TENT4B: variants seen among roughly 807,000 people sequenced by gnomAD.
TENT4B encodes the protein PAP associated domain containing 5.
In TENT4B, 10 loss-of-function variants were observed where a neutral mutation model predicts 75.0. The observed-to-expected ratio is 0.13, with a 90% CI of 0.08 to 0.23. The LOEUF (loss-of-function observed/expected upper bound fraction) is 0.23. Among genes scored for constraint, TENT4B ranks in the 10% least tolerant of loss-of-function variants. The probability of loss-of-function intolerance (pLI) is 1.00; values close to 1 mark genes in which losing one functional copy is unlikely to be tolerated. For missense variants in TENT4B, 579 were observed against 893.8 expected (o/e 0.65, Z 4.49); for synonymous variants, 350 against 357.7 (o/e 0.98, Z 0.24).
In TENT4B at chr16:50,232,117, G is replaced by A; in HGVS notation, c.*2789G>A. ...GACTGTTTTTTAGAGGAGCTGATGG[G>A]TTGGTGAGGTGTCAGCACAAAATCT... On this transcript the variant is annotated 3_prime_UTR_variant, in exon 12 of 12. Coordinates refer to ENST00000561678, the MANE Select transcript of TENT4B (RefSeq NM_001365324.3). 1 of 985,398 alleles carries A rather than the reference G, an allele frequency of 1.0e-6. No individual in the cohort carries two copies. 61.0% of individuals were successfully genotyped at this position (985,398 alleles called of 1,614,324 possible).
At position 50,224,760 on chromosome 16, in the gene TENT4B, C is replaced by T; in HGVS notation, c.1485C>T (p.Tyr495=). ...ATGCTGTATCACCAATAGCAAAGTA[C>T]TATCCCAACAATGAAACAGAAAGGT... ...LSHAVSPIAK[Y]YPNNETESIL... The change falls in exon 8 of 12, where the codon TAC becomes TAT. Residue 495 remains tyrosine (Y), a synonymous_variant. Coordinates refer to ENST00000561678, the MANE Select transcript of TENT4B (RefSeq NM_001365324.3). 1 of 1,613,992 alleles carries T rather than the reference C, an allele frequency of 6.2e-7. No individual in the cohort carries two copies. Among genetic ancestry groups the T allele is most frequent in the Non-Finnish European group, 8.5e-7 (1 of 1,179,884 alleles).
intron 1 of TENT4B, among the ~76,000 whole-genome samples, chr16:50,155,272 G>GGTGTGTGGGT (rs1555506874): frequency 7.4e-6 from 1 of 135,372 alleles, no homozygotes; most frequent in African/African-American, 2.8e-5. Flanking sequence ...GGGTCTCGTG[G>GGTGTGTGGGT]GTGTGTGTGT....
At chr16:50,220,524 C>T (rs1241684285) in intron 5 of TENT4B, among the ~76,000 whole-genome samples, 2 of 151,618 alleles carry the variant, frequency 1.3e-5, no homozygotes, top group Admixed American at 6.6e-5. Context: ...CTGACTTAAC[C>T]ACCATGTTTT....
At chr16:50,188,794 AGTGAGCT>A (rs1174048816) in intron 1 of TENT4B, among the ~76,000 whole-genome samples, 1 of 152,166 alleles carries the variant, frequency 6.6e-6, no homozygotes, top group Non-Finnish European at 1.5e-5. Flanking sequence ...TGAGGGCTGT[AGTGAGCT>A]GTGATTGTGC....
In TENT4B at chr16:50,215,967, G is replaced by T. The variant is rs892438437; in HGVS notation, c.810-108G>T. 7.4e-6 allele frequency: 10 copies of T among 1,355,546 alleles called. No individual in the cohort carries two copies. The African/African-American group carries it at 1.0e-4, about 14-fold the overall frequency. The allele number at this position is 1,355,546 out of a possible 1,614,324, so 84.0% of individuals were successfully genotyped here. Reference sequence around the variant, plus strand: ...AACACATTTAGTCTTCGTTGGCCAGGGTGGGAAATAGGTTTTAATTGTACT... The same window carrying T: ...AACACATTTAGTCTTCGTTGGCCAGTGTGGGAAATAGGTTTTAATTGTACT... On this transcript the variant is annotated intron_variant, in intron 3 of 11. Transcript: ENST00000561678.
At chr16:50,185,637 G>A (rs2038511413) in intron 1 of TENT4B, among the ~76,000 whole-genome samples, 1 of 152,178 alleles carries the variant, frequency 6.6e-6, no homozygotes, top group Non-Finnish European at 1.5e-5. Flanking sequence ...CTTAACACGT[G>A]AAGAGGATGC....
intron 1 of TENT4B, among the ~76,000 whole-genome samples, chr16:50,158,899 GATTT>G (rs1567473429): frequency 2.6e-5 from 4 of 152,126 alleles, no homozygotes; most frequent in African/African-American, 7.2e-5. Context: ...TCCTTAAGTG[GATTT>G]AATAATCACA....
intron 1 of TENT4B, among the ~76,000 whole-genome samples, chr16:50,174,131 TC>T (rs1323146256): frequency 6.6e-6 from 1 of 152,204 alleles, no homozygotes; most frequent in Non-Finnish European, 1.5e-5. Context: ...AGAGTCTTGC[TC>T]TGTCGCCCAG....
chr16:50,223,779 T>C (rs1390917223), intron 7 of TENT4B, among the ~76,000 whole-genome samples: 3 of 152,188 alleles, frequency 2.0e-5, no homozygotes, highest in Non-Finnish European at 2.9e-5. Context: ...CATAGTAATA[T>C]ATCTTTGAAT....
At chr16:50,164,399 A>T (rs530346985) in intron 1 of TENT4B, among the ~76,000 whole-genome samples, 2 of 151,798 alleles carry the variant, frequency 1.3e-5, no homozygotes, top group African/African-American at 4.8e-5. Flanking sequence ...AAGCCCCGCC[A>T]CCCAAGTTCA....
intron 2 of TENT4B, among the ~76,000 whole-genome samples, 155 bp downstream of exon 2, chr16:50,211,601 A>G (rs140817660): frequency 6.6e-6 from 1 of 152,208 alleles, no homozygotes. Context: ...AATTTTCTGC[A>G]GTCTTTAGAA....
chr16:50,173,364 A>G (rs1349254354), intron 1 of TENT4B, among the ~76,000 whole-genome samples: 1 of 152,202 alleles, frequency 6.6e-6, no homozygotes, highest in Non-Finnish European at 1.5e-5. Flanking sequence ...TGAAGTTACT[A>G]TAAACATCTG....
chr16:50,200,315 G>A (rs1002902358), intron 1 of TENT4B, among the ~76,000 whole-genome samples: 4 of 151,160 alleles, frequency 2.6e-5, no homozygotes, highest in African/African-American at 9.8e-5. Context: ...GCAGTAAACT[G>A]TGATCATACC....
intron 1 of TENT4B, among the ~76,000 whole-genome samples, chr16:50,161,568 C>T (rs1461206373): frequency 2.0e-5 from 3 of 152,004 alleles, no homozygotes; most frequent in Non-Finnish European, 2.9e-5. Flanking sequence ...CCTTTATTAC[C>T]GTGTTTCAAA....
rs1194579846 is a variant in TENT4B, at chr16:50,231,145, T to C, written c.*1817T>C. 4 of 985,460 alleles carry C rather than the reference T, an allele frequency of 4.1e-6. No individual in the cohort carries two copies. The highest frequency in any genetic ancestry group is 5.2e-4 in the Middle Eastern group (1 of 1,934). 61.0% of individuals were successfully genotyped at this position (985,460 alleles called of 1,614,324 possible). A position where few individuals can be genotyped will look rare whatever the true frequency, so the allele number is the denominator to read the frequency against. ...AATGTGTTCCAAAACTGGAAACTCA[T>C]AGTACTCGTGTAAACTGTGGAAGAT... On this transcript the variant is annotated 3_prime_UTR_variant, in exon 12 of 12. Coordinates refer to ENST00000561678, the MANE Select transcript of TENT4B (RefSeq NM_001365324.3).
At position 50,222,377 on chromosome 16, in the gene TENT4B, A is replaced by G. The variant is rs757852143; in HGVS notation, c.1110A>G (p.Val370=). Reference sequence around the variant, plus strand: ...TATTGCAGAGGGACCTTAATGAAGTATTTACAGGTGGAATTGGTTCTTATA... The same window carrying G: ...TATTGCAGAGGGACCTTAATGAAGTGTTTACAGGTGGAATTGGTTCTTATA... ...QFLLQRDLNE[V]FTGGIGSYSL... is the part of the protein sequence containing the mutation. Residue 370 remains valine, a synonymous_variant, in exon 6 of 12, where the codon GTA becomes GTG. Transcript: ENST00000561678. The G allele has an allele frequency of 3.7e-6, 6 of 1,613,088 alleles. No individual in the cohort carries two copies. Among genetic ancestry groups the G allele is most frequent in the Non-Finnish European group, 5.1e-6 (6 of 1,179,346 alleles).
intron 1 of TENT4B, among the ~76,000 whole-genome samples, chr16:50,178,041 G>T (rs1198479324): frequency 1.3e-5 from 2 of 150,614 alleles, no homozygotes; most frequent in African/African-American, 4.9e-5. Context: ...TCTTTCTGCT[G>T]TTGATTTCTA....
rs34067223 is a variant in TENT4B, at chr16:50,176,494, C to CTTTTT, written c.638+22261_638+22265dup. On this transcript the variant is annotated intron_variant, in intron 1 of 11. Transcript: ENST00000561678. ...GTGTCAACCATATATACCAATAATT[C>CTTTTT]TTTTTTTTTTTTTTTTTTTTTTTTT... 1.7e-4 allele frequency among the ~76,000 whole-genome samples: 9 copies of CTTTTT among 53,092 alleles called. 1 individual carries two copies. Among genetic ancestry groups the CTTTTT allele is most frequent in the African/African-American group, 2.6e-4 (3 of 11,544 alleles). The allele number at this position is 53,092 out of a possible 152,430, so 34.8% of individuals were successfully genotyped here.
At chr16:50,214,641 G>A (rs2031456996) in intron 3 of TENT4B, among the ~76,000 whole-genome samples, 1 of 152,134 alleles carries the variant, frequency 6.6e-6, no homozygotes, top group Non-Finnish European at 1.5e-5. Flanking sequence ...GGGCGACAGA[G>A]CAAGACTCTG....
Sources: gnomAD v4.1 joint callset for allele counts (sites outside exome capture counted in the v4.1 genomes callset) on GRCh38, gnomAD v4.1.1 for gene constraint, MANE v1.5 for transcripts, NCBI Gene and HGNC (gene_info 2026-07-23, HGNC 2026-07-21) for gene names.